The following LGR6 variants were observed in gnomAD, a reference collection of about 807,000 sequenced individuals.
LGR6 encodes the protein leucine rich repeat containing G protein-coupled receptor 6, also known as leucine-rich repeat-containing G protein-coupled receptor 6.
In LGR6, 45 loss-of-function variants were observed where a neutral mutation model predicts 69.4. The ratio of observed to expected loss-of-function variants is 0.65; its 90% CI spans 0.51 to 0.83. The LOEUF (loss-of-function observed/expected upper bound fraction) is 0.83, where lower values mean the gene tolerates loss of function less well. Ranked by LOEUF, LGR6 falls within the 40% of genes least tolerant of loss-of-function variation. The pLI, the probability that LGR6 is intolerant of heterozygous loss-of-function variation, is 0.00. For missense variants in LGR6, 1,108 were observed against 1,246.7 expected (o/e 0.89, Z 1.68); for synonymous variants, 538 against 555.0 (o/e 0.97, Z 0.43).
intron 1 of LGR6, among the ~76,000 whole-genome samples, chr1:202,212,212 C>T (rs1471300748): frequency 2.0e-5 from 3 of 151,948 alleles, no homozygotes; most frequent in Non-Finnish European, 4.4e-5. Flanking sequence ...AGAGTAGATC[C>T]AAGGGAGTCT....
At chr1:202,258,025 C>T (rs1486045441) in intron 4 of LGR6, among the ~76,000 whole-genome samples, 1 of 151,950 alleles carries the variant, frequency 6.6e-6, no homozygotes, top group Non-Finnish European at 1.5e-5. Context: ...AGGTTTTGCA[C>T]TGTTTTTGTT....
chr1:202,300,089 C>T (rs1177763705), intron 7 of LGR6, among the ~76,000 whole-genome samples: 1 of 152,234 alleles, frequency 6.6e-6, no homozygotes. Flanking sequence ...GCCAAGCCAG[C>T]CTCCATTTGA....
In LGR6 at chr1:202,312,106, C is replaced by T. The variant is rs111646965; in HGVS notation, c.1567+1749C>T. ...GCTTAGGTCTTGGAGAACCACAGGG[C>T]GTCAAGATCGTGGGCTGCCTGCCGC... On this transcript the variant is annotated intron_variant, in intron 16 of 17. Coordinates refer to ENST00000367278, the MANE Select transcript of LGR6 (RefSeq NM_001017403.2). Among the ~76,000 whole-genome samples, 1,040 of 152,328 alleles carry T rather than the reference C, an allele frequency of 6.8e-3. 8 individuals are homozygous for T. The highest frequency in any genetic ancestry group is 0.037 in the Middle Eastern group (11 of 294).
At chr1:202,266,899 C>A (rs542470922) in intron 4 of LGR6, among the ~76,000 whole-genome samples, 1 of 50,456 alleles carries the variant, frequency 2.0e-5, no homozygotes, top group Non-Finnish European at 5.9e-5. Context: ...CTCTCTCTAA[C>A]GCGCGCACAC....
At chr1:202,282,118 C>T (rs1019811547) in intron 6 of LGR6, among the ~76,000 whole-genome samples, 7 of 152,180 alleles carry the variant, frequency 4.6e-5, no homozygotes, top group South Asian at 2.1e-4. Flanking sequence ...GCTCACCCTC[C>T]GGAAGACTGA....
intron 1 of LGR6, chr1:202,196,965 C>G (rs1658663206): frequency 1.9e-6 from 1 of 519,374 alleles, no homozygotes; most frequent in Non-Finnish European, 3.9e-6. Flanking sequence ...AGAGTGGGGA[C>G]TTAGGTCCTC....
Position 202,318,369 on chromosome 1 carries a change from G to A in LGR6, c.2066G>A (p.Gly689Glu). Residue 689 changes from glycine to glutamate, a missense_variant, in exon 18 of 18, where the codon GGG (glycine) becomes GAG (glutamate). Gly to Glu is a moderately conservative substitution (Grantham distance 98). Coordinates refer to ENST00000367278, the MANE Select transcript of LGR6 (RefSeq NM_001017403.2). ...KSPSLGSVRA[G>E]VLGCLALAGL... is the part of the protein sequence containing the mutation. ...CCCTCCCTGGGCAGCGTTCGAGCAG[G>A]GGTCCTAGGCTGCCTGGCACTGGCA... The A allele has an allele frequency of 3.1e-6, 5 of 1,602,764 alleles. No individual in the cohort carries two copies. Among genetic ancestry groups the A allele is most frequent in the Non-Finnish European group, 4.3e-6 (5 of 1,174,314 alleles).
chr1:202,299,029 G>T (rs1406862721), intron 7 of LGR6, among the ~76,000 whole-genome samples: 1 of 151,702 alleles, frequency 6.6e-6, no homozygotes, highest in Non-Finnish European at 1.5e-5. Flanking sequence ...GGAGGCCGAG[G>T]TGGGCAGATC....
intron 3 of LGR6, among the ~76,000 whole-genome samples, chr1:202,232,784 A>G (rs1243536891): frequency 6.6e-6 from 1 of 152,228 alleles, no homozygotes; most frequent in Non-Finnish European, 1.5e-5. Flanking sequence ...AAACATCGTC[A>G]CAAAAGCATT....
At chr1:202,298,384 T>C (rs540211202) in intron 7 of LGR6, among the ~76,000 whole-genome samples, 4 of 152,122 alleles carry the variant, frequency 2.6e-5, no homozygotes, top group African/African-American at 9.6e-5. Flanking sequence ...GGCAGAGGGA[T>C]GAGCACAGGT....
At position 202,318,800 on chromosome 1, in the gene LGR6, C is replaced by T. The variant is rs149592480; in HGVS notation, c.2497C>T (p.His833Tyr). The T allele has an allele frequency of 2.5e-6, 4 of 1,613,590 alleles. No individual in the cohort carries two copies. Among genetic ancestry groups the T allele is most frequent in the Non-Finnish European group, 3.4e-6 (4 of 1,179,938 alleles). The stretch of plus-strand genomic sequence containing the variant: ...ACTGCTGTACCTGCTCTTCAACCCC[C>T]ACTTCCGGGATGACCTTCGGCGGCT... ...NPLLYLLFNP[H>Y]FRDDLRRLRP... Residue 833 changes from histidine (H) to tyrosine (Y), a missense_variant, in exon 18 of 18, where the codon CAC becomes TAC. Transcript: ENST00000367278.
chr1:202,282,145 G>A (rs954630436), intron 6 of LGR6, among the ~76,000 whole-genome samples: 1 of 152,202 alleles, frequency 6.6e-6, no homozygotes, highest in African/African-American at 2.4e-5. Flanking sequence ...AGGTGTGGGG[G>A]ACATGCCCCA....
At chr1:202,234,826 A>C (rs1262534153) in intron 3 of LGR6, among the ~76,000 whole-genome samples, 1 of 152,170 alleles carries the variant, frequency 6.6e-6, no homozygotes, top group Non-Finnish European at 1.5e-5. Flanking sequence ...ATTGTGCACC[A>C]AGGCTTCCCC....
intron 5 of LGR6, among the ~76,000 whole-genome samples, chr1:202,277,661 C>CA (rs1319660475): frequency 7.9e-5 from 12 of 151,906 alleles, no homozygotes; most frequent in Non-Finnish European, 1.3e-4. Flanking sequence ...ACTGAAAACT[C>CA]AAAAAACTGT....
chr1:202,251,181 T>G (rs894685559), intron 4 of LGR6, among the ~76,000 whole-genome samples: 2 of 152,172 alleles, frequency 1.3e-5, no homozygotes, highest in Non-Finnish European at 2.9e-5. Context: ...CTCTCTGTGC[T>G]GTGAATTCAC....
At chr1:202,305,090 G>A (rs557741237) in intron 11 of LGR6, among the ~76,000 whole-genome samples, 11 of 152,216 alleles carry the variant, frequency 7.2e-5, no homozygotes, top group Non-Finnish European at 1.3e-4. Context: ...AGGGACCATA[G>A]CCCCTCAGCT....
At chr1:202,237,665 AACCAG>A (rs1661697199) in intron 4 of LGR6, among the ~76,000 whole-genome samples, 1 of 152,170 alleles carries the variant, frequency 6.6e-6, no homozygotes, top group Non-Finnish European at 1.5e-5. Flanking sequence ...TGGCTGGGAG[AACCAG>A]ACCATTAGCT....
intron 11 of LGR6, 27 bp downstream of exon 11, chr1:202,304,657 CTT>C (rs1667851899): frequency 1.9e-6 from 3 of 1,581,814 alleles, no homozygotes; most frequent in Admixed American, 3.3e-5. Context: ...ATTCTACAGT[CTT>C]GGCATTGTGC....
At chr1:202,277,756 T>C (rs887496565) in intron 5 of LGR6, among the ~76,000 whole-genome samples, 1 of 147,086 alleles carries the variant, frequency 6.8e-6, no homozygotes, top group Non-Finnish European at 1.5e-5. Context: ...AATGATGTAG[T>C]GAAACTTATG....
Sources: allele counts gnomAD v4.1 joint callset (sites outside exome capture counted in the v4.1 genomes callset), GRCh38; gene constraint gnomAD v4.1.1; transcripts MANE v1.5; gene names NCBI Gene and HGNC (gene_info 2026-07-23, HGNC 2026-07-21).